ZNF490: variants seen among roughly 807,000 people sequenced by gnomAD.
ZNF490 encodes the protein zinc finger protein 490.
Under a neutral mutation model 17.7 loss-of-function variants are expected in ZNF490, and 11 were observed. The ratio of observed to expected loss-of-function variants is 0.62; its 90% confidence interval spans 0.39 to 1.03. The LOEUF is 1.03. ZNF490 is among the 50% of genes least tolerant of loss of function. The probability of loss-of-function intolerance (pLI) is 0.00; values close to 1 mark genes in which losing one functional copy is unlikely to be tolerated. For synonymous variants in ZNF490, 222 were observed against 216.1 expected (o/e 1.03, Z -0.24); for missense variants, 542 against 643.4 (o/e 0.84, Z 1.71).
intron 2 of ZNF490, 92 bp downstream of exon 2, chr19:12,609,065 GA>G: frequency 2.4e-6 from 3 of 1,256,752 alleles, no homozygotes; most frequent in Non-Finnish European, 3.4e-6. Flanking sequence ...AGACCCGAAA[GA>G]CCCCCCCACA....
chr19:12,602,074 C>CTATA (rs145824680), intron 2 of ZNF490, among the ~76,000 whole-genome samples: 3,762 of 131,472 alleles, frequency 0.029, 167 homozygotes, highest in African/African-American at 0.098. Flanking sequence ...ACTCAGTTCA[C>CTATA]TATATACACA....
chr19:12,591,729 C>G (rs1006810639), intron 2 of ZNF490, among the ~76,000 whole-genome samples: 1 of 151,350 alleles, frequency 6.6e-6, no homozygotes, highest in East Asian at 1.9e-4. Flanking sequence ...TTTTAAAACA[C>G]TAAAAACACC....
At chr19:12,598,610 G>A (rs1003017271) in intron 2 of ZNF490, among the ~76,000 whole-genome samples, 28 of 151,544 alleles carry the variant, frequency 1.8e-4, no homozygotes, top group Middle Eastern at 3.4e-3. Flanking sequence ...CCAACCTTAG[G>A]TTGGGATCTG....
At chr19:12,608,461 T>TATG (rs2023099954) in intron 2 of ZNF490, among the ~76,000 whole-genome samples, 3 of 29,572 alleles carry the variant, frequency 1.0e-4, no homozygotes, top group African/African-American at 2.4e-4. Flanking sequence ...ATTTATGTAT[T>TATG]TATTTATTTA....
chr19:12,585,509 C>G (rs2022800178), intron 2 of ZNF490, among the ~76,000 whole-genome samples: 1 of 93,026 alleles, frequency 1.1e-5, no homozygotes, highest in African/African-American at 3.2e-5. Context: ...ACCCTTATCA[C>G]TCATGAAATT....
intron 2 of ZNF490, among the ~76,000 whole-genome samples, chr19:12,594,233 T>C (rs1157785396): frequency 1.3e-5 from 2 of 151,982 alleles, no homozygotes; most frequent in Admixed American, 6.6e-5. Context: ...TGGGAGGCCA[T>C]GGCAGGCAGA....
chr19:12,582,817 G>T, intron 4 of ZNF490, 33 bp downstream of exon 4: 2 of 1,473,298 alleles, frequency 1.4e-6, no homozygotes, highest in Non-Finnish European at 1.9e-6. Flanking sequence ...GATTCTCTCA[G>T]GGGCTATATA....
chr19:12,601,613 G>A (rs951657076), intron 2 of ZNF490, among the ~76,000 whole-genome samples: 6 of 152,028 alleles, frequency 3.9e-5, no homozygotes, highest in Non-Finnish European at 8.8e-5. Flanking sequence ...TTGAACTCCA[G>A]GACTCAGATG....
chr19:12,581,661 G>A lies in ZNF490; in HGVS notation c.414C>T (p.Ser138=), dbSNP rs138786068. 9.3e-6 allele frequency: 15 copies of A among 1,614,028 alleles called. No individual in the cohort carries two copies. The African/African-American group carries it at 1.5e-4, about 16-fold the overall frequency. The change falls in exon 5 of 5, where the codon AGC becomes AGT. Residue 138 remains serine (S), a synonymous_variant. Coordinates refer to ENST00000311437, the MANE Select transcript of ZNF490 (RefSeq NM_020714.3). The part of the protein sequence containing the change: ...KEDCPCGKST[S]QIPDLNTNLE... ...GGTTCGTATTAAGATCAGGAATCTG[G>A]CTAGTGCTTTTTCCACATGGACAAT...
rs34129438 is a variant in ZNF490 at position 12,603,788 on chromosome 19, C to CAA, written c.162+5368_162+5369dup. Among the ~76,000 whole-genome samples, 533 of 139,732 alleles carry CAA rather than the reference C, an allele frequency of 3.8e-3. 5 individuals carry two copies. Among genetic ancestry groups the CAA allele is most frequent in the South Asian group, 0.021 (91 of 4,290 alleles). 91.7% of individuals were successfully genotyped at this position (139,732 alleles called of 152,430 possible). Reference sequence around the variant, plus strand: ...TGACAGAGTGAAGGAGACCCTATCTCAAAAAAAAAAAAAAATGGCCTTTTG... The same window carrying CAA: ...TGACAGAGTGAAGGAGACCCTATCTCAAAAAAAAAAAAAAAAATGGCCTTTTG... On this transcript the variant is annotated intron_variant, in intron 2 of 4. Coordinates refer to ENST00000311437, the MANE Select transcript of ZNF490 (RefSeq NM_020714.3).
Position 12,578,547 on chromosome 19 carries a change from C to G in ZNF490, c.*1938G>C, listed in dbSNP as rs1190806575. ...GATGGGAAATGGAGCTGGAGATGAC[C>G]TCAAAACAGCCCTGGAATAATGCAA... On this transcript the variant is annotated 3_prime_UTR_variant, in exon 5 of 5. Transcript: ENST00000311437. 1 of 985,298 alleles carries G rather than the reference C, an allele frequency of 1.0e-6. No individual in the cohort carries two copies. The highest frequency in any genetic ancestry group is 1.2e-6 in the Non-Finnish European group (1 of 829,950). The allele number at this position is 985,298 out of a possible 1,614,324, so 61.0% of individuals were successfully genotyped here.
chr19:12,583,783 C>CTATA (rs2022774094), intron 2 of ZNF490, among the ~76,000 whole-genome samples: 1 of 89,096 alleles, frequency 1.1e-5, no homozygotes, highest in African/African-American at 5.0e-5. Flanking sequence ...CTCTCTCTCT[C>CTATA]TCTCTCTCTA....
chr19:12,597,527 G>A (rs769907049), intron 2 of ZNF490, among the ~76,000 whole-genome samples: 1 of 152,110 alleles, frequency 6.6e-6, no homozygotes, highest in Non-Finnish European at 1.5e-5. Flanking sequence ...GTTAAGTGTA[G>A]TTACATTGTG....
intron 2 of ZNF490, among the ~76,000 whole-genome samples, chr19:12,593,316 C>T (rs760524502): frequency 6.6e-6 from 1 of 151,838 alleles, no homozygotes; most frequent in East Asian, 1.9e-4. Context: ...GGCGCAATCT[C>T]GGCTCACTGC....
At chr19:12,610,424 T>C (rs1484687772) in intron 1 of ZNF490, 140 bp downstream of exon 1, 3 of 723,208 alleles carry the variant, frequency 4.1e-6, no homozygotes, top group Non-Finnish European at 7.1e-6. Flanking sequence ...AAAAGAAAGG[T>C]GGACGCCTCA....
At chr19:12,599,159 A>AG (rs1236528445) in intron 2 of ZNF490, among the ~76,000 whole-genome samples, 113 of 147,942 alleles carry the variant, frequency 7.6e-4, no homozygotes, top group African/African-American at 2.7e-3. Context: ...AAAAAAAAAA[A>AG]AAAGAAAGAA....
At position 12,583,567 on chromosome 19, in the gene ZNF490, C is replaced by A; in HGVS notation, c.163-11G>T. 6.3e-7 allele frequency: 1 copy of A among 1,579,996 alleles called. No individual in the cohort carries two copies. Among genetic ancestry groups the A allele is most frequent in the Non-Finnish European group, 8.6e-7 (1 of 1,159,794 alleles). Reference sequence around the variant, plus strand: ...AAGGGAGATGGAGTCCTAAAACATCCCCCATGTGTGTTTAGGAGGAGGAGA... The same window carrying A: ...AAGGGAGATGGAGTCCTAAAACATCACCCATGTGTGTTTAGGAGGAGGAGA... On this transcript the variant is annotated splice_polypyrimidine_tract_variant and intron_variant, in intron 2 of 4. Transcript: ENST00000311437.
chr19:12,595,365 A>G (rs113274226), intron 2 of ZNF490, among the ~76,000 whole-genome samples: 2,602 of 152,140 alleles, frequency 0.017, 71 homozygotes, highest in African/African-American at 0.06. Flanking sequence ...CGCCTGTCTT[A>G]GCCTCCCAAA....
chr19:12,590,857 T>C (rs1201553638), intron 2 of ZNF490, among the ~76,000 whole-genome samples: 2 of 150,182 alleles, frequency 1.3e-5, no homozygotes, highest in Non-Finnish European at 3.0e-5. Context: ...ATGGGGTGGA[T>C]CACTTCAGCC....
Sources: allele counts gnomAD v4.1 joint callset (sites outside exome capture counted in the v4.1 genomes callset), GRCh38; gene constraint gnomAD v4.1.1; transcripts MANE v1.5; gene names NCBI Gene and HGNC (gene_info 2026-07-23, HGNC 2026-07-21).